Variants in JAK2 observed in about 807,000 individuals in gnomAD.
The protein encoded by JAK2 is Janus kinase 2, also known as tyrosine-protein kinase JAK2.
A neutral mutation model predicts 139.3 loss-of-function variants in JAK2; 86 were observed. That is an observed-to-expected ratio of 0.62 (90% confidence interval 0.52 to 0.74). JAK2 has a LOEUF of 0.74. JAK2 is among the 30% of genes least tolerant of loss of function. The probability of loss-of-function intolerance (pLI) is 0.00; values close to 1 mark genes in which losing one functional copy is unlikely to be tolerated. For synonymous variants in JAK2, 490 were observed against 437.7 expected, an observed-to-expected ratio of 1.12 and a Z score of -1.49; for missense variants, 1,421 against 1,360.3, an observed-to-expected ratio of 1.04 and a Z score of -0.70.
chr9:5,087,404 A>G (rs1269449516), intron 19 of JAK2, among the ~76,000 whole-genome samples: 3 of 152,120 alleles, frequency 2.0e-5, no homozygotes, highest in South Asian at 2.1e-4. Context: ...GGTCCTTCCA[A>G]TGACATGTGG....
intron 17 of JAK2, 53 bp from the exon 18 acceptor site, chr9:5,080,480 G>C: frequency 1.3e-6 from 2 of 1,537,812 alleles, no homozygotes; most frequent in Non-Finnish European, 1.8e-6. Flanking sequence ...TTAAAAAGAA[G>C]GTTGGTGTGG....
intron 12 of JAK2, among the ~76,000 whole-genome samples, chr9:5,072,278 C>A (rs1005658310): frequency 6.6e-6 from 1 of 152,164 alleles, no homozygotes; most frequent in African/African-American, 2.4e-5. Flanking sequence ...AGCCAAAATA[C>A]ACTTAATTCA....
At chr9:5,074,372 T>TAAC (rs1819173185) in intron 14 of JAK2, among the ~76,000 whole-genome samples, 3 of 152,196 alleles carry the variant, frequency 2.0e-5, no homozygotes, top group Non-Finnish European at 4.4e-5. Context: ...CAACCCAGTG[T>TAAC]CTAGCAACTC....
At chr9:5,105,959 C>A (rs536994903) in intron 22 of JAK2, among the ~76,000 whole-genome samples, 49 of 152,048 alleles carry the variant, frequency 3.2e-4, no homozygotes, top group Non-Finnish European at 6.9e-4. Context: ...CCATAAAAGC[C>A]CTAGAAGAAA....
At chr9:5,057,474 C>T (rs919572039) in intron 8 of JAK2, among the ~76,000 whole-genome samples, 25 of 151,974 alleles carry the variant, frequency 1.6e-4, no homozygotes, top group Non-Finnish European at 1.8e-4. Context: ...ACTTTTGCAT[C>T]CAATTTCCAG....
chr9:5,116,322 T>C lies in JAK2; in HGVS notation c.3060-6682T>C, dbSNP rs988536668. Among the ~76,000 whole-genome samples the C allele has an allele frequency of 5.3e-5, 8 of 152,236 alleles. No individual in the cohort carries two copies. The East Asian group carries it at 1.5e-3, about 29-fold the overall frequency. ...CCATGATAATGCTTTAATCTGGCAT[T>C]AATTGTTCTCTAATTTGGGTAGGTT... is the stretch of plus-strand genomic sequence containing the variant. On this transcript the variant is annotated intron_variant, in intron 22 of 24. Coordinates refer to ENST00000381652, the MANE Select transcript of JAK2 (RefSeq NM_004972.4).
intron 3 of JAK2, among the ~76,000 whole-genome samples, chr9:5,023,676 G>A (rs1395246727): frequency 1.3e-5 from 2 of 152,056 alleles, no homozygotes; most frequent in East Asian, 1.9e-4. Flanking sequence ...GTCTTGTTTC[G>A]TCTCCTTCCT....
At chr9:5,041,104 G>A in intron 4 of JAK2, 2 of 770,124 alleles carry the variant, frequency 2.6e-6, no homozygotes, top group South Asian at 1.5e-5. Context: ...GGACCTGTTC[G>A]ACCTTCACGC....
At chr9:5,088,934 G>T (rs1464188187) in intron 19 of JAK2, among the ~76,000 whole-genome samples, 2 of 152,124 alleles carry the variant, frequency 1.3e-5, no homozygotes, top group African/African-American at 4.8e-5. Flanking sequence ...TATAAATTTT[G>T]GGTAAGGGGT....
At chr9:5,105,604 C>T (rs1821889124) in intron 22 of JAK2, among the ~76,000 whole-genome samples, 1 of 152,166 alleles carries the variant, frequency 6.6e-6, no homozygotes, top group South Asian at 2.1e-4. Flanking sequence ...CCTGCATTGC[C>T]AAGACCATCC....
intron 4 of JAK2, among the ~76,000 whole-genome samples, chr9:5,037,689 C>G (rs562539554): frequency 5.3e-5 from 8 of 152,246 alleles, no homozygotes; most frequent in Middle Eastern, 6.8e-3. Context: ...TGGAACATCA[C>G]ATACCGGGGC....
intron 5 of JAK2, among the ~76,000 whole-genome samples, chr9:5,049,848 A>G (rs1201209320): frequency 6.6e-6 from 1 of 152,242 alleles, no homozygotes; most frequent in Non-Finnish European, 1.5e-5. Context: ...ACAAACTTAT[A>G]TAGCATGTTG....
intron 5 of JAK2, among the ~76,000 whole-genome samples, chr9:5,049,029 G>A (rs970764431): frequency 2.0e-5 from 3 of 152,026 alleles, no homozygotes; most frequent in Non-Finnish European, 2.9e-5. Flanking sequence ...GGTCAAAATC[G>A]TAGAACCTCT....
chr9:5,110,985 G>A, intron 22 of JAK2: 4 of 644,274 alleles, frequency 6.2e-6, no homozygotes, highest in South Asian at 4.5e-5. Context: ...TCAGCATGAT[G>A]TTCCCGCTGC....
At chr9:5,058,302 T>C (rs1817910762) in intron 8 of JAK2, among the ~76,000 whole-genome samples, 1 of 152,180 alleles carries the variant, frequency 6.6e-6, no homozygotes, top group African/African-American at 2.4e-5. Flanking sequence ...TCGGCATGGC[T>C]GGCCCAGGAA....
chr9:5,122,303 G>A (rs564554511), intron 22 of JAK2, among the ~76,000 whole-genome samples: 1 of 152,270 alleles, frequency 6.6e-6, no homozygotes, highest in East Asian at 1.9e-4. Flanking sequence ...GTTAATGCTT[G>A]AGTGAACAAT....
In JAK2 at chr9:5,055,653, A is replaced by G. The variant is rs373315248; in HGVS notation, c.937-16A>G. 1.6e-5 allele frequency: 24 copies of G among 1,527,598 alleles called. No individual in the cohort carries two copies. The African/African-American group carries it at 3.0e-4, about 19-fold the overall frequency. The allele number at this position is 1,527,598 out of a possible 1,614,324, so 94.6% of individuals were successfully genotyped here. ...AAATTCTACCCGTTTTTAATTTTAC[A>G]TGCTTTTAATTATAGGATTTACAGT... On this transcript the variant is annotated splice_polypyrimidine_tract_variant and intron_variant, in intron 7 of 24. Coordinates refer to ENST00000381652, the MANE Select transcript of JAK2 (RefSeq NM_004972.4).
intron 4 of JAK2, among the ~76,000 whole-genome samples, chr9:5,035,965 T>A (rs975997438): frequency 6.6e-6 from 1 of 152,180 alleles, no homozygotes; most frequent in African/African-American, 2.4e-5. Flanking sequence ...ATGACATGAT[T>A]GTATATCTGG....
chr9:5,111,439 G>A lies in JAK2; in HGVS notation c.3060-11565G>A, dbSNP rs138868637. On this transcript the variant is annotated intron_variant, in intron 22 of 24. Coordinates refer to ENST00000381652, the MANE Select transcript of JAK2 (RefSeq NM_004972.4). ...AGCCCACGAAGGTCGGGAAGGTCCC[G>A]CCTGGTCTTCCATCCTCGGCGTACC... 2.5e-3 allele frequency: 1,001 copies of A among 395,020 alleles called. 14 individuals are homozygous for A. The highest frequency in any genetic ancestry group is 0.019 in the African/African-American group (890 of 47,836). The allele number at this position is 395,020 out of a possible 1,614,324, so 24.5% of individuals were successfully genotyped here.
Sources: gnomAD v4.1 joint callset for allele counts (sites outside exome capture counted in the v4.1 genomes callset) on GRCh38, gnomAD v4.1.1 for gene constraint, MANE v1.5 for transcripts, NCBI Gene and HGNC (gene_info 2026-07-23, HGNC 2026-07-21) for gene names.